The following ZNF362 variants were observed in gnomAD, a reference collection of about 807,000 sequenced individuals.
The protein encoded by ZNF362 is rotund homolog.
ZNF362 carries 11 observed loss-of-function variants against 42.9 expected under a neutral mutation model. The observed-to-expected ratio is 0.26, with a 90% CI of 0.16 to 0.42. ZNF362 has a LOEUF of 0.42. Ranked by LOEUF, ZNF362 falls within the 20% of genes least tolerant of loss-of-function variation. The pLI is 1.00. For missense variants in ZNF362, 362 were observed against 576.2 expected (o/e 0.63, Z 3.81); for synonymous variants, 255 against 257.3 (o/e 0.99, Z 0.09).
At chr1:33,240,856 G>C in the ZNF362 span, among the ~76,000 whole-genome samples, 1 of 152,300 alleles carries the variant, frequency 6.6e-6, no homozygotes, top group South Asian at 2.1e-4. Flanking sequence ...ACACTTTACA[G>C]AACTTTGGAA....
chr1:33,154,848 C>G, the ZNF362 span, among the ~76,000 whole-genome samples: 1 of 150,784 alleles, frequency 6.6e-6, no homozygotes, highest in African/African-American at 2.4e-5. Context: ...AATCCCAGCA[C>G]TTTGGGAGGC....
the ZNF362 span, chr1:33,180,953 T>TGGGGGGG: frequency 2.8e-6 from 2 of 724,330 alleles, no homozygotes; most frequent in Non-Finnish European, 3.9e-6. Context: ...GGTCCAGCCC[T>TGGGGGGG]GACCCCACCC....
chr1:33,290,265 G>A (rs1400623981), intron 6 of ZNF362, among the ~76,000 whole-genome samples: 4 of 152,044 alleles, frequency 2.6e-5, no homozygotes, highest in African/African-American at 9.7e-5. Flanking sequence ...TTCCTGCATC[G>A]AAGTGTTTTC....
the ZNF362 span, chr1:33,200,491 A>G: frequency 1.1e-3 from 160 of 152,342 alleles, no homozygotes; most frequent in African/African-American, 3.7e-3. Context: ...AAATACTCCA[A>G]TTAAAAAGTA....
rs887793829 is a variant in ZNF362 at position 33,281,107 on chromosome 1, C to G, written c.684-480C>G. ...AACAACAACAACAATTTTAAAGAAT[C>G]ACCTGAAGAGCTTTCAGAAAATGCG... On this transcript the variant is annotated intron_variant, in intron 5 of 8. Coordinates refer to ENST00000539719, the MANE Select transcript of ZNF362 (RefSeq NM_152493.3). The surrounding 1 kb of genome is among the most constrained non-coding windows in gnomAD (Gnocchi z 4.8). 6.6e-6 allele frequency among the ~76,000 whole-genome samples: 1 copy of G among 151,928 alleles called. No individual in the cohort carries two copies. The highest frequency in any genetic ancestry group is 1.5e-5 in the Non-Finnish European group (1 of 67,990).
chr1:33,228,648 T>C, the ZNF362 span, among the ~76,000 whole-genome samples: 1 of 152,098 alleles, frequency 6.6e-6, no homozygotes, highest in African/African-American at 2.4e-5. Context: ...TGCCGTCAGC[T>C]CTATTCAAAG....
chr1:33,219,529 C>G, the ZNF362 span, among the ~76,000 whole-genome samples: 1 of 152,142 alleles, frequency 6.6e-6, no homozygotes, highest in East Asian at 1.9e-4. Flanking sequence ...CAGCAGGGCC[C>G]AACAGGAAGA....
At chr1:33,183,765 C>T in the ZNF362 span, among the ~76,000 whole-genome samples, 144 of 152,330 alleles carry the variant, frequency 9.5e-4, no homozygotes, top group Non-Finnish European at 1.8e-3. Flanking sequence ...GGAATTGCAA[C>T]AGCCATCTTG....
At chr1:33,272,569 TAG>T (rs958551572) in intron 2 of ZNF362, among the ~76,000 whole-genome samples, 2 of 152,146 alleles carry the variant, frequency 1.3e-5, no homozygotes, top group African/African-American at 4.8e-5. Context: ...GGGCTCACAG[TAG>T]AGAGTCTTGG....
At chr1:33,258,344 C>T (rs867469305) in intron 1 of ZNF362, among the ~76,000 whole-genome samples, 1 of 152,128 alleles carries the variant, frequency 6.6e-6, no homozygotes, top group African/African-American at 2.4e-5. Context: ...TGTCCCCTAC[C>T]CCAGCATTTC....
intron 3 of ZNF362, 54 bp downstream of exon 3, chr1:33,276,217 T>A (rs2148095731): frequency 6.2e-7 from 1 of 1,606,038 alleles, no homozygotes; most frequent in East Asian, 2.2e-5. Flanking sequence ...GCTGCTTCGC[T>A]TCCCCTGGGT....
At chr1:33,181,254 G>A in the ZNF362 span, 1 of 1,549,452 alleles carries the variant, frequency 6.5e-7, no homozygotes, top group Non-Finnish European at 8.7e-7. The surrounding 1 kb of genome is among the most constrained non-coding windows in gnomAD (Gnocchi z 6.5). Flanking sequence ...CGCCAGCGCG[G>A]GCTCGGCGAA....
the ZNF362 span, among the ~76,000 whole-genome samples, chr1:33,197,901 A>C: frequency 7.0e-4 from 106 of 152,292 alleles, 1 homozygote; most frequent in African/African-American, 2.4e-3. Flanking sequence ...TGATCTTCCC[A>C]CCGGCCACAG....
upstream of ZNF362, among the ~76,000 whole-genome samples, chr1:33,252,213 T>C (rs1645764583): frequency 6.6e-6 from 1 of 152,022 alleles, no homozygotes; most frequent in Non-Finnish European, 1.5e-5. Flanking sequence ...TAGCCAGGTG[T>C]GGTGGCATGT....
the ZNF362 span, among the ~76,000 whole-genome samples, chr1:33,241,925 A>G: frequency 6.6e-6 from 1 of 152,152 alleles, no homozygotes; most frequent in Non-Finnish European, 1.5e-5. Context: ...CCCCAACCCC[A>G]AAACCAAGCA....
chr1:33,200,631 C>G, the ZNF362 span, among the ~76,000 whole-genome samples: 1 of 151,986 alleles, frequency 6.6e-6, no homozygotes, highest in Non-Finnish European at 1.5e-5. Context: ...CATAGCCAAT[C>G]AAAATGAAGT....
At chr1:33,182,214 G>A in the ZNF362 span, among the ~76,000 whole-genome samples, 1 of 152,144 alleles carries the variant, frequency 6.6e-6, no homozygotes, top group Admixed American at 6.5e-5. Flanking sequence ...AAGCCCAGCT[G>A]TTCCTTCGGG....
chr1:33,136,896 C>A, the ZNF362 span, among the ~76,000 whole-genome samples: 1 of 151,246 alleles, frequency 6.6e-6, no homozygotes, highest in Non-Finnish European at 1.5e-5. Flanking sequence ...GCTTGGGAGG[C>A]TGAGACAGGA....
the ZNF362 span, among the ~76,000 whole-genome samples, chr1:33,155,949 TTGCTTCCTGCTTTAC>T: frequency 6.6e-6 from 1 of 152,244 alleles, no homozygotes; most frequent in African/African-American, 2.4e-5. Flanking sequence ...GCTGATGATC[TTGCTTCCTGCTTTAC>T]TGAGAAAGGT....
Sources: gnomAD v4.1 joint callset for allele counts (sites outside exome capture counted in the v4.1 genomes callset) on GRCh38, gnomAD v4.1.1 for gene constraint, Gnocchi (gnomAD v3.1) non-coding constraint, MANE v1.5 for transcripts, NCBI Gene and HGNC (gene_info 2026-07-23, HGNC 2026-07-21) for gene names.